STX18: variants seen among roughly 807,000 people sequenced by gnomAD.
STX18 encodes syntaxin 18.
Under a neutral mutation model 50.1 loss-of-function variants are expected in STX18, and 40 were observed. The ratio of observed to expected loss-of-function variants is 0.80; its 90% confidence interval spans 0.62 to 1.04. The LOEUF (loss-of-function observed/expected upper bound fraction) is 1.04. Among genes scored for constraint, STX18 ranks in the 50% least tolerant of loss-of-function variants. The probability of loss-of-function intolerance (pLI) is 0.00; values close to 1 mark genes in which losing one functional copy is unlikely to be tolerated. For synonymous variants in STX18, 158 were observed against 151.8 expected (o/e 1.04, Z -0.30); for missense variants, 410 against 415.8 (o/e 0.99, Z 0.12).
chr4:4,531,066 A>G (rs1017040370), intron 1 of STX18, among the ~76,000 whole-genome samples: 2 of 152,142 alleles, frequency 1.3e-5, no homozygotes, highest in African/African-American at 4.8e-5. Context: ...TTTTTTTCCC[A>G]AAGTGCTAAC....
At chr4:4,502,605 C>G (rs1316243460) in intron 1 of STX18, among the ~76,000 whole-genome samples, 1 of 152,068 alleles carries the variant, frequency 6.6e-6, no homozygotes, top group Non-Finnish European at 1.5e-5. Flanking sequence ...TTACTGGATG[C>G]CTTGAGTTGA....
At chr4:4,524,467 T>C (rs981931452) in intron 1 of STX18, among the ~76,000 whole-genome samples, 2 of 152,158 alleles carry the variant, frequency 1.3e-5, no homozygotes, top group Non-Finnish European at 2.9e-5. Flanking sequence ...GGATTGAGGA[T>C]AAGAATATCA....
intron 5 of STX18, among the ~76,000 whole-genome samples, chr4:4,444,628 G>C (rs187326001): frequency 5.3e-5 from 8 of 152,236 alleles, no homozygotes; most frequent in Admixed American, 5.2e-4. Context: ...TTTTAGCTTT[G>C]GTGATTTTAA....
intron 5 of STX18, among the ~76,000 whole-genome samples, chr4:4,454,418 G>C (rs1475100802): frequency 6.6e-6 from 1 of 152,190 alleles, no homozygotes; most frequent in African/African-American, 2.4e-5. Flanking sequence ...AACTAAGGTA[G>C]CAGCAAAAAT....
At chr4:4,425,403 G>A (rs903703107) in intron 7 of STX18, 181 bp from the exon 8 acceptor site, 1 of 617,700 alleles carries the variant, frequency 1.6e-6, no homozygotes, top group Admixed American at 2.8e-5. Context: ...GCTTTCAGGA[G>A]AAAGTTTTAA....
In STX18 at chr4:4,423,312, GCTC is replaced by G. The variant is rs1464783136; in HGVS notation, c.831+203_831+205del. On this transcript the variant is annotated intron_variant, in intron 9 of 10. Coordinates refer to ENST00000306200, the MANE Select transcript of STX18 (RefSeq NM_016930.4). ...GTGGTCAGTGGGTCCCCTGTGGGGAGCTCCTCCTCCATCACACGTGTGCAGAGG... is the reference window on the plus strand; with the variant it reads ...GTGGTCAGTGGGTCCCCTGTGGGGAGCTCCTCCATCACACGTGTGCAGAGG... 3.9e-5 allele frequency among the ~76,000 whole-genome samples: 6 copies of G among 152,340 alleles called. No homozygotes were observed. The East Asian group carries it at 1.2e-3, about 29-fold the overall frequency.
chr4:4,517,665 T>G (rs934005917), intron 1 of STX18, among the ~76,000 whole-genome samples: 1 of 152,204 alleles, frequency 6.6e-6, no homozygotes, highest in Admixed American at 6.5e-5. Flanking sequence ...TAATCTTGTG[T>G]TTTTAAAAAC....
intron 1 of STX18, among the ~76,000 whole-genome samples, chr4:4,511,819 CAGA>C (rs1038691327): frequency 8.0e-5 from 12 of 149,552 alleles, no homozygotes; most frequent in African/African-American, 2.0e-4. Context: ...CTTTCCAAAA[CAGA>C]AGGAGAGGAG....
chr4:4,528,453 T>C (rs1025973916), intron 1 of STX18, among the ~76,000 whole-genome samples: 3 of 152,160 alleles, frequency 2.0e-5, no homozygotes, highest in African/African-American at 4.8e-5. Context: ...TCTCACCATG[T>C]GACACTCTTG....
chr4:4,493,159 A>G lies in STX18; in HGVS notation c.169-21453T>C, dbSNP rs192387153. 4.0e-3 allele frequency among the ~76,000 whole-genome samples: 608 copies of G among 152,338 alleles called. 3 individuals carry two copies. Among genetic ancestry groups the G allele is most frequent in the African/African-American group, 0.014 (568 of 41,586 alleles). The stretch of plus-strand genomic sequence containing the variant: ...CAAATATTTCTGCTTTCAGACAATC[A>G]AAGTCTTTGGAGAGGCCTGAAATAG... On this transcript the variant is annotated intron_variant, in intron 1 of 10. Transcript: ENST00000306200.
At chr4:4,508,744 G>A (rs1201180363) in intron 1 of STX18, among the ~76,000 whole-genome samples, 1 of 152,058 alleles carries the variant, frequency 6.6e-6, no homozygotes, top group Non-Finnish European at 1.5e-5. Context: ...AGTGAGTGTT[G>A]CTCCCCCACC....
At position 4,457,179 on chromosome 4, in the gene STX18, AGCAATACTT is replaced by A. The variant is rs777715238; in HGVS notation, c.497+3_497+11del. ...TTATTAATTAAGAAACACCAATGAA[AGCAATACTT>A]ACAATCTTTTCTTATCCACCACTCT... On this transcript the variant is annotated splice_donor_5th_base_variant and intron_variant, in intron 5 of 10. Transcript: ENST00000306200. 5 of 1,611,184 alleles carry A rather than the reference AGCAATACTT, an allele frequency of 3.1e-6. No individual in the cohort carries two copies. Among genetic ancestry groups the A allele is most frequent in the Non-Finnish European group, 4.2e-6 (5 of 1,177,622 alleles).
chr4:4,470,200 T>C (rs920284265), intron 2 of STX18, among the ~76,000 whole-genome samples: 2 of 152,192 alleles, frequency 1.3e-5, no homozygotes, highest in African/African-American at 2.4e-5. Flanking sequence ...GCAGGGGATC[T>C]CAATGTCAGC....
intron 2 of STX18, among the ~76,000 whole-genome samples, chr4:4,466,373 A>C (rs934754634): frequency 1.3e-5 from 2 of 152,270 alleles, no homozygotes; most frequent in African/African-American, 4.8e-5. Context: ...AAGGGGTAGG[A>C]TGGAAAAGTG....
intron 5 of STX18, among the ~76,000 whole-genome samples, chr4:4,446,500 A>C (rs1302741257): frequency 6.6e-6 from 1 of 152,272 alleles, no homozygotes; most frequent in Non-Finnish European, 1.5e-5. Context: ...TGAGTAAAAG[A>C]CTTGAACAGA....
At position 4,520,103 on chromosome 4, in the gene STX18, T is replaced by C. The variant is rs1266114095; in HGVS notation, c.168+21694A>G. ...ACATTGGAAGAGAATTGAAGTGAAA[T>C]AAACATGAAGCCCAGAAACAAGCTA... On this transcript the variant is annotated intron_variant, in intron 1 of 10. Transcript: ENST00000306200. Among the ~76,000 whole-genome samples, 5 of 152,300 alleles carry C rather than the reference T, an allele frequency of 3.3e-5. No individual in the cohort carries two copies. The East Asian group carries it at 9.6e-4, about 29-fold the overall frequency.
chr4:4,539,525 G>A (rs1346732425), intron 1 of STX18, among the ~76,000 whole-genome samples: 2 of 152,168 alleles, frequency 1.3e-5, no homozygotes, highest in Non-Finnish European at 2.9e-5. Context: ...AATCAAAATT[G>A]CTTAAAAGAA....
At chr4:4,425,043 G>C in intron 8 of STX18, 121 bp downstream of exon 8, 1 of 860,060 alleles carries the variant, frequency 1.2e-6, no homozygotes, top group Non-Finnish European at 1.9e-6. Flanking sequence ...AAATGGCTGA[G>C]GGGGGCTGCA....
chr4:4,464,272 C>G (rs1727515251), intron 2 of STX18, among the ~76,000 whole-genome samples: 1 of 152,214 alleles, frequency 6.6e-6, no homozygotes. Context: ...GACAAGACAC[C>G]TGTACTCCCA....
Sources: gnomAD v4.1 joint callset for allele counts (sites outside exome capture counted in the v4.1 genomes callset) on GRCh38, gnomAD v4.1.1 for gene constraint, MANE v1.5 for transcripts, NCBI Gene and HGNC (gene_info 2026-07-23, HGNC 2026-07-21) for gene names.